Variants in GPRIN3 observed in about 807,000 individuals in gnomAD.
GPRIN3 encodes the protein GPRIN family member 3.
In GPRIN3, 12 loss-of-function variants were observed where a neutral mutation model predicts 13.7. The observed-to-expected ratio is 0.87, with a 90% CI of 0.56 to 1.42. GPRIN3 has a LOEUF of 1.42. Ranked by LOEUF, GPRIN3 falls within the 40% of genes most tolerant of loss-of-function variation. The pLI, the probability that GPRIN3 is intolerant of heterozygous loss-of-function variation, is 0.00. For synonymous variants in GPRIN3, 377 were observed against 372.7 expected (o/e 1.01, Z -0.13); for missense variants, 1,009 against 958.7 (o/e 1.05, Z -0.69).
chr4:89,304,775 A>G (rs1724991159), intron 1 of GPRIN3, among the ~76,000 whole-genome samples: 1 of 152,094 alleles, frequency 6.6e-6, no homozygotes, highest in Admixed American at 6.5e-5. Context: ...TTTTCCCCTG[A>G]GCCCTATTCT....
chr4:89,263,552 T>C (rs1430867867), intron 1 of GPRIN3, among the ~76,000 whole-genome samples: 1 of 152,194 alleles, frequency 6.6e-6, no homozygotes, highest in African/African-American at 2.4e-5. Flanking sequence ...GGAGTGTCCC[T>C]GTTTCCCCTT....
At chr4:89,270,692 C>T (rs1161769774) in intron 1 of GPRIN3, among the ~76,000 whole-genome samples, 9 of 150,166 alleles carry the variant, frequency 6.0e-5, no homozygotes, top group African/African-American at 2.2e-4. Context: ...GGGCACACCA[C>T]TGCACCTGGC....
In GPRIN3 at chr4:89,249,218, G is replaced by C. The variant is rs999299966; in HGVS notation, c.893C>G (p.Ala298Gly). The change falls in exon 2 of 2, where the codon GCC becomes GGC. Residue 298 changes from alanine to glycine, a missense_variant. Coordinates refer to ENST00000609438, the MANE Select transcript of GPRIN3 (RefSeq NM_198281.3). ...TTCAGCTTGGTTGGTCATCGTACTG[G>C]CTTCTTTGAACCTTGACATCTGACG... ...AQRQMSRFKEASTMTNQAESE... is the reference protein window; with the variant it reads ...AQRQMSRFKEGSTMTNQAESE... 9.9e-6 allele frequency: 16 copies of C among 1,614,126 alleles called. No homozygotes were observed. The highest frequency in any genetic ancestry group is 1.6e-4 in the Middle Eastern group (1 of 6,062).
At chr4:89,300,781 GA>G (rs1324177755) in intron 1 of GPRIN3, among the ~76,000 whole-genome samples, 2 of 152,074 alleles carry the variant, frequency 1.3e-5, no homozygotes, top group African/African-American at 2.4e-5. Flanking sequence ...TGTTCGACAT[GA>G]AAACAAGAAC....
At position 89,236,842 on chromosome 4, in the gene GPRIN3, C is replaced by T. The variant is rs890533128; in HGVS notation, c.*10938G>A. ...AAAACTGTGCATGTATACATTATAC[C>T]TCCTAAGGTTGAGACATAGATGGAA... On this transcript the variant is annotated 3_prime_UTR_variant, in exon 2 of 2. Coordinates refer to ENST00000609438, the MANE Select transcript of GPRIN3 (RefSeq NM_198281.3). 1 of 152,066 alleles carries T rather than the reference C, an allele frequency of 6.6e-6. No homozygotes were observed. Among genetic ancestry groups the T allele is most frequent in the Non-Finnish European group, 1.5e-5 (1 of 68,018 alleles). The allele number at this position is 152,066 out of a possible 1,614,324, so 9.4% of individuals were successfully genotyped here. A position where few individuals can be genotyped will look rare whatever the true frequency, so the allele number is the denominator to read the frequency against.
chr4:89,281,962 CTTTTTTT>C (rs34213357), intron 1 of GPRIN3, among the ~76,000 whole-genome samples: 1 of 136,544 alleles, frequency 7.3e-6, no homozygotes, highest in South Asian at 2.3e-4. Flanking sequence ...ATGCAGTCAT[CTTTTTTT>C]TTTTTTTTTG....
In GPRIN3 at chr4:89,246,739, AT is replaced by A. The variant is rs1158809868; in HGVS notation, c.*1040del. On this transcript the variant is annotated 3_prime_UTR_variant, in exon 2 of 2. Coordinates refer to ENST00000609438, the MANE Select transcript of GPRIN3 (RefSeq NM_198281.3). ...TTGTTACTGGAAGTTACTGAACCCA[AT>A]TAAAAAAAATCACTAATTGCATCCT... The A allele has an allele frequency of 6.6e-6, 1 of 152,218 alleles. No individual in the cohort carries two copies. Among genetic ancestry groups the A allele is most frequent in the Non-Finnish European group, 1.5e-5 (1 of 68,036 alleles). The allele number at this position is 152,218 out of a possible 1,614,324, so 9.4% of individuals were successfully genotyped here.
chr4:89,252,148 T>A (rs1723346859), intron 1 of GPRIN3, among the ~76,000 whole-genome samples: 1 of 151,906 alleles, frequency 6.6e-6, no homozygotes, highest in African/African-American at 2.4e-5. Context: ...AATTTTTAAT[T>A]TTTTTGTAGA....
chr4:89,266,679 T>C (rs1723789991), intron 1 of GPRIN3, among the ~76,000 whole-genome samples: 1 of 152,154 alleles, frequency 6.6e-6, no homozygotes, highest in Non-Finnish European at 1.5e-5. Flanking sequence ...ATCTCCCTAT[T>C]GTAACAAAAT....
intron 1 of GPRIN3, among the ~76,000 whole-genome samples, chr4:89,264,339 A>G (rs1283638241): frequency 6.6e-6 from 1 of 152,140 alleles, no homozygotes; most frequent in African/African-American, 2.4e-5. Context: ...GCCTTCTACC[A>G]TGAGTGGAAG....
chr4:89,252,301 A>G lies in GPRIN3; in HGVS notation c.-123-2068T>C, dbSNP rs112411835. 2.5e-3 allele frequency among the ~76,000 whole-genome samples: 386 copies of G among 152,276 alleles called. 2 individuals carry two copies. Among genetic ancestry groups the G allele is most frequent in the Non-Finnish European group, 4.4e-3 (302 of 68,022 alleles). On this transcript the variant is annotated intron_variant, in intron 1 of 1. Transcript: ENST00000609438. ...AAGCATTTTTTTAGAAAGAATAACT[A>G]GACACTAGGTCATGTGGACAAAGCA...
At chr4:89,254,185 T>C (rs1165740909) in intron 1 of GPRIN3, among the ~76,000 whole-genome samples, 2 of 147,874 alleles carry the variant, frequency 1.4e-5, no homozygotes, top group African/African-American at 4.9e-5. Flanking sequence ...CTCTTCCTCC[T>C]TCCTTTCCTC....
intron 1 of GPRIN3, among the ~76,000 whole-genome samples, chr4:89,272,981 A>C (rs1166526658): frequency 6.6e-6 from 1 of 152,192 alleles, no homozygotes; most frequent in Non-Finnish European, 1.5e-5. Flanking sequence ...AGAGCTTTAG[A>C]AGTGTTGAAA....
At chr4:89,252,164 A>T (rs955899911) in intron 1 of GPRIN3, among the ~76,000 whole-genome samples, 1 of 151,922 alleles carries the variant, frequency 6.6e-6, no homozygotes, top group African/African-American at 2.4e-5. Flanking sequence ...GTAGAGACAG[A>T]GTCTCTCCAT....
intron 1 of GPRIN3, among the ~76,000 whole-genome samples, chr4:89,264,807 AT>A (rs1202875303): frequency 6.6e-6 from 1 of 152,034 alleles, no homozygotes; most frequent in Non-Finnish European, 1.5e-5. Flanking sequence ...TGAAATTACT[AT>A]TTTTTTCCAT....
chr4:89,296,975 G>A (rs887770993), intron 1 of GPRIN3, among the ~76,000 whole-genome samples: 3 of 152,162 alleles, frequency 2.0e-5, no homozygotes, highest in Non-Finnish European at 4.4e-5. Context: ...ATCGTACTGA[G>A]TCCTTACATT....
Position 89,296,076 on chromosome 4 carries a change from G to A in GPRIN3, c.-124+11539C>T, listed in dbSNP as rs551101465. On this transcript the variant is annotated intron_variant, in intron 1 of 1. Coordinates refer to ENST00000609438, the MANE Select transcript of GPRIN3 (RefSeq NM_198281.3). ...CAAAGCAAATCTGTATACTACGTAAGATCCTCTCACAGGTCACTGCTGGAA... is the reference window on the plus strand; with the variant it reads ...CAAAGCAAATCTGTATACTACGTAAAATCCTCTCACAGGTCACTGCTGGAA... Among the ~76,000 whole-genome samples the A allele has an allele frequency of 2.9e-4, 44 of 152,188 alleles. 1 individual carries two copies. The South Asian group carries it at 8.9e-3, about 31-fold the overall frequency.
chr4:89,273,010 A>G (rs764126358), intron 1 of GPRIN3, among the ~76,000 whole-genome samples: 1 of 152,204 alleles, frequency 6.6e-6, no homozygotes, highest in Non-Finnish European at 1.5e-5. Flanking sequence ...GAAGGAATGA[A>G]CCACATTTTT....
chr4:89,267,901 TA>T (rs1336041427), intron 1 of GPRIN3, among the ~76,000 whole-genome samples: 4 of 152,302 alleles, frequency 2.6e-5, no homozygotes, highest in South Asian at 4.1e-4. Flanking sequence ...AGTATATTCA[TA>T]AGCAGAGGTA....
Sources: allele counts gnomAD v4.1 joint callset (sites outside exome capture counted in the v4.1 genomes callset), GRCh38; gene constraint gnomAD v4.1.1; transcripts MANE v1.5; gene names NCBI Gene and HGNC (gene_info 2026-07-23, HGNC 2026-07-21).